Variants in IGSF3 observed in about 807,000 individuals in gnomAD.
IGSF3 encodes glu-Trp-Ile EWI motif-containing protein 3.
IGSF3 carries 23 observed loss-of-function variants against 114.4 expected under a neutral mutation model. The observed-to-expected ratio is 0.20, with a 90% confidence interval of 0.14 to 0.28. The LOEUF is 0.28. Ranked by LOEUF, IGSF3 falls within the 10% of genes least tolerant of loss-of-function variation. IGSF3 has a pLI of 1.00. For missense variants in IGSF3, 1,172 were observed against 1,591.5 expected, an observed-to-expected ratio of 0.74 and a Z score of 4.48; for synonymous variants, 571 against 645.2, an observed-to-expected ratio of 0.88 and a Z score of 1.74.
In IGSF3 at chr1:116,628,481, G is replaced by A. The variant is rs764890927; in HGVS notation, c.44-12024C>T. Among the ~76,000 whole-genome samples the A allele has an allele frequency of 3.3e-5, 5 of 151,944 alleles. No homozygotes were observed. The highest frequency in any genetic ancestry group is 7.4e-5 in the Non-Finnish European group (5 of 68,014). On this transcript the variant is annotated intron_variant, in intron 2 of 10. Transcript: ENST00000369486. The surrounding 1 kb of genome is among the most constrained non-coding windows in gnomAD (Gnocchi z 4.2). ...ATTTCCCCAACACACTCAGATCTAG[G>A]TGACCTTGACCAGATGGGCATCTGT...
chr1:116,640,928 A>T (rs1648062886), intron 2 of IGSF3, among the ~76,000 whole-genome samples: 1 of 152,244 alleles, frequency 6.6e-6, no homozygotes, highest in African/African-American at 2.4e-5. Context: ...ATAAGGATGA[A>T]ATGGTGCCTT....
chr1:116,620,906 A>G (rs1420437622), intron 2 of IGSF3, among the ~76,000 whole-genome samples: 1 of 152,096 alleles, frequency 6.6e-6, no homozygotes, highest in Admixed American at 6.5e-5. Context: ...ATGCCTGGCT[A>G]AATTTTTTAT....
At position 116,595,559 on chromosome 1, in the gene IGSF3, G is replaced by A. The variant is rs1660308275; in HGVS notation, c.2029+4382C>T. 6.6e-6 allele frequency among the ~76,000 whole-genome samples: 1 copy of A among 152,224 alleles called. No homozygotes were observed. Among genetic ancestry groups the A allele is most frequent in the Non-Finnish European group, 1.5e-5 (1 of 68,042 alleles). ...AAGAAAACCGATTTGGCAACATCCA[G>A]AGGGTATTAAATATTCATCCTGACT... On this transcript the variant is annotated intron_variant, in intron 7 of 10. Coordinates refer to ENST00000369486, the MANE Select transcript of IGSF3 (RefSeq NM_001007237.3). The surrounding 1 kb of genome is among the most constrained non-coding windows in gnomAD (Gnocchi z 4.2).
rs114915440 is a variant in IGSF3, at chr1:116,579,663, G to C, written c.3063C>G (p.Asp1021Glu). The change falls in exon 10 of 11, where the codon GAC (aspartate) becomes GAG (glutamate). Residue 1021 changes from aspartate (D) to glutamate (E), a missense_variant. This residue lies in a region of IGSF3 where 423 missense variants were observed against 509.8 expected (regional missense o/e 0.83). Coordinates refer to ENST00000369486, the MANE Select transcript of IGSF3 (RefSeq NM_001007237.3). This position sits in a 1 kb window ranked among gnomAD's most constrained non-coding sequence, Gnocchi z 6.4. ...GCTCTGTTGGGTCGTCGTCGTCGTC[G>C]TCGTCCTCCTCCTCCTCCTCCTCCC... Reference protein sequence around the residue: ...EEREEEEEEDDDDDDDPTERT... With the variant: ...EEREEEEEEDEDDDDDPTERT... The C allele has an allele frequency of 3.8e-3, 5,988 of 1,564,050 alleles. 28 individuals carry two copies. The highest frequency in any genetic ancestry group is 0.021 in the Admixed American group (1,221 of 58,418).
Position 116,614,156 on chromosome 1 carries a change from C to G in IGSF3, c.441G>C (p.Gln147His), listed in dbSNP as rs1184214179. 2.5e-6 allele frequency: 4 copies of G among 1,610,576 alleles called. No individual in the cohort carries two copies. Reference sequence around the variant, plus strand: ...GCAGAGTCTGGGGCATGGCAGTGGTCTGCAGGGAGTCTGGGATCACTGCAA... The same window carrying G: ...GCAGAGTCTGGGGCATGGCAGTGGTGTGCAGGGAGTCTGGGATCACTGCAA... Reference protein sequence around the residue: ...MNLVVIPDSLQTTAMPQTLHR... With the variant: ...MNLVVIPDSLHTTAMPQTLHR... The change falls in exon 4 of 11, where the codon CAG becomes CAC. Residue 147 changes from glutamine (Q) to histidine (H), a missense_variant. This residue lies in a region of IGSF3 where 736 missense variants were observed against 1,042.0 expected (regional missense o/e 0.71). Transcript: ENST00000369486. This position sits in a 1 kb window ranked among gnomAD's most constrained non-coding sequence, Gnocchi z 4.5.
At chr1:116,599,143 G>A (rs1660464620) in intron 7 of IGSF3, among the ~76,000 whole-genome samples, 2 of 152,034 alleles carry the variant, frequency 1.3e-5, no homozygotes, top group Non-Finnish European at 2.9e-5. Context: ...AATCTTTCCT[G>A]GGGTTGTTGT....
intron 7 of IGSF3, among the ~76,000 whole-genome samples, chr1:116,597,584 G>T (rs913722599): frequency 6.6e-6 from 1 of 152,122 alleles, no homozygotes; most frequent in African/African-American, 2.4e-5. Context: ...AACAGCCCAA[G>T]TACAGTGATA....
chr1:116,623,694 G>C (rs1379830738), intron 2 of IGSF3, among the ~76,000 whole-genome samples: 1 of 152,094 alleles, frequency 6.6e-6, no homozygotes, highest in East Asian at 1.9e-4. Context: ...CCAAGGTCCA[G>C]ATGGCACAAG....
chr1:116,637,718 C>A (rs1286440205), intron 2 of IGSF3, among the ~76,000 whole-genome samples: 1 of 152,220 alleles, frequency 6.6e-6, no homozygotes, highest in Non-Finnish European at 1.5e-5. Flanking sequence ...CACCCTTGTT[C>A]CATCAACAGG....
rs186424648 is a variant in IGSF3, at chr1:116,655,852, T to C, written c.43+10432A>G. On this transcript the variant is annotated intron_variant, in intron 2 of 10. Transcript: ENST00000369486. The surrounding 1 kb of genome is among the most constrained non-coding windows in gnomAD (Gnocchi z 4.3). ...GAACGTGCTTAATTTGATGAATTTA[T>C]GTATTTTTTGAAGAAAATATGCAGA... is the stretch of plus-strand genomic sequence containing the variant. Among the ~76,000 whole-genome samples the C allele has an allele frequency of 6.0e-3, 916 of 152,368 alleles. 5 individuals are homozygous for C. The highest frequency in any genetic ancestry group is 0.01 in the Non-Finnish European group (714 of 68,038).
chr1:116,584,727 C>A lies in IGSF3; in HGVS notation c.2766G>T (p.Glu922Asp), dbSNP rs765696329. The change falls in exon 9 of 11, where the codon GAG becomes GAT. Residue 922 changes from glutamate to aspartate, a missense_variant. Glu to Asp is a conservative substitution (Grantham distance 45). Transcript: ENST00000369486. The surrounding 1 kb of genome is among the most constrained non-coding windows in gnomAD (Gnocchi z 5.8). ...DSGTYSCHVE[E>D]WLPSPSGMWY... ...ACATGCCACTGGGGCTGGGCAGCCA[C>A]TCCTCCACATGGCAGCTGTAGGTCC... is the stretch of plus-strand genomic sequence containing the variant. 1 of 1,613,550 alleles carries A rather than the reference C, an allele frequency of 6.2e-7. No homozygotes were observed. Among genetic ancestry groups the A allele is most frequent in the Non-Finnish European group, 8.5e-7 (1 of 1,179,422 alleles).
chr1:116,611,712 TTTGTC>T (rs1298744809), intron 4 of IGSF3, among the ~76,000 whole-genome samples: 47 of 152,092 alleles, frequency 3.1e-4, no homozygotes, highest in African/African-American at 1.1e-3. Context: ...TGTTCCTGGA[TTTGTC>T]TTATCAACCA....
Position 116,647,289 on chromosome 1 carries a change from A to G in IGSF3, c.43+18995T>C, listed in dbSNP as rs1474195915. On this transcript the variant is annotated intron_variant, in intron 2 of 10. Coordinates refer to ENST00000369486, the MANE Select transcript of IGSF3 (RefSeq NM_001007237.3). This position sits in a 1 kb window ranked among gnomAD's most constrained non-coding sequence, Gnocchi z 4.6. ...CAGAGATACCTAGAACCCAGCTACA[A>G]TGGCCTTATCAGACTGAAACAAGAA... 6.6e-6 allele frequency among the ~76,000 whole-genome samples: 1 copy of G among 152,200 alleles called. No homozygotes were observed. The highest frequency in any genetic ancestry group is 1.9e-4 in the East Asian group (1 of 5,200).
At position 116,613,861 on chromosome 1, in the gene IGSF3, A is replaced by G; in HGVS notation, c.736T>C (p.Cys246Arg). The G allele has an allele frequency of 6.2e-7, 1 of 1,613,998 alleles. No homozygotes were observed. The highest frequency in any genetic ancestry group is 8.5e-7 in the Non-Finnish European group (1 of 1,179,878). ...TCCTGGATCCACTCGGCGGCCTCGC[A>G]GTAGAATTCGCCCTGGTCAGAAGGC... ...LQPSDQGEFYCEAAEWIQDPD... is the reference protein window; with the variant it reads ...LQPSDQGEFYREAAEWIQDPD... Residue 246 changes from cysteine to arginine, a missense_variant, in exon 4 of 11, where the codon TGC becomes CGC. Cys to Arg is a radical substitution (Grantham distance 180, BLOSUM62 -3). Around this residue, in one of 3 missense-constraint regions of IGSF3, gnomAD observed 736 missense variants for 1,042.0 expected, o/e 0.71. Coordinates refer to ENST00000369486, the MANE Select transcript of IGSF3 (RefSeq NM_001007237.3).
rs1389948276 is a variant in IGSF3, at chr1:116,583,964, G to A, written c.2848+681C>T. ...CACTTTGAAAAGCCGAGGCGGTGGT[G>A]GGGGTCACGAGGTCAGGAGATCGAG... On this transcript the variant is annotated intron_variant, in intron 9 of 10. Coordinates refer to ENST00000369486, the MANE Select transcript of IGSF3 (RefSeq NM_001007237.3). This position sits in a 1 kb window ranked among gnomAD's most constrained non-coding sequence, Gnocchi z 4.5. Among the ~76,000 whole-genome samples the A allele has an allele frequency of 6.6e-6, 1 of 152,114 alleles. No individual in the cohort carries two copies. Among genetic ancestry groups the A allele is most frequent in the Non-Finnish European group, 1.5e-5 (1 of 68,022 alleles).
intron 5 of IGSF3, among the ~76,000 whole-genome samples, chr1:116,604,751 A>G (rs2101454238): frequency 6.6e-6 from 1 of 152,308 alleles, no homozygotes; most frequent in African/African-American, 2.4e-5. Context: ...TTGGCCAATC[A>G]AAAGTTTGGG....
In IGSF3 at chr1:116,592,353, C is replaced by T. The variant is rs1428646231; in HGVS notation, c.2030-3249G>A. On this transcript the variant is annotated intron_variant, in intron 7 of 10. Coordinates refer to ENST00000369486, the MANE Select transcript of IGSF3 (RefSeq NM_001007237.3). This position sits in a 1 kb window ranked among gnomAD's most constrained non-coding sequence, Gnocchi z 4.5. ...GAGGAAGAAAGAATCCAGCAAGAGA[C>T]AGGAAGAGGGTCCGAGAGTTGCTCC... 1.3e-5 allele frequency among the ~76,000 whole-genome samples: 2 copies of T among 152,236 alleles called. No individual in the cohort carries two copies. Among genetic ancestry groups the T allele is most frequent in the Non-Finnish European group, 2.9e-5 (2 of 68,044 alleles).
In IGSF3 at chr1:116,618,741, G is replaced by A. The variant is rs1219645883; in HGVS notation, c.44-2284C>T. ...AAATATGGTGACATTTTAATCAAAT[G>A]ATTGCAGTATTCCTGAAACACAGAA... On this transcript the variant is annotated intron_variant, in intron 2 of 10. Coordinates refer to ENST00000369486, the MANE Select transcript of IGSF3 (RefSeq NM_001007237.3). This position sits in a 1 kb window ranked among gnomAD's most constrained non-coding sequence, Gnocchi z 4.7. Among the ~76,000 whole-genome samples, 1 of 152,150 alleles carries A rather than the reference G, an allele frequency of 6.6e-6. No homozygotes were observed. The highest frequency in any genetic ancestry group is 1.5e-5 in the Non-Finnish European group (1 of 68,018).
rs539960489 is a variant in IGSF3 at position 116,594,477 on chromosome 1, C to T, written c.2030-5373G>A. ...GTTTAGGATATTCTCATTTATTTAG[C>T]AAACTTTCATCTGGTCCTATGTGCT... On this transcript the variant is annotated intron_variant, in intron 7 of 10. Transcript: ENST00000369486. This position sits in a 1 kb window ranked among gnomAD's most constrained non-coding sequence, Gnocchi z 5.2. Among the ~76,000 whole-genome samples, 135 of 152,290 alleles carry T rather than the reference C, an allele frequency of 8.9e-4. No individual in the cohort carries two copies. Among genetic ancestry groups the T allele is most frequent in the African/African-American group, 3.1e-3 (130 of 41,546 alleles).
Sources: allele counts gnomAD v4.1 joint callset (sites outside exome capture counted in the v4.1 genomes callset), GRCh38; gene constraint gnomAD v4.1.1; regional missense constraint gnomAD v4.1.1; non-coding constraint Gnocchi (gnomAD v3.1); transcripts MANE v1.5; gene names NCBI Gene and HGNC (gene_info 2026-07-23, HGNC 2026-07-21).